UBXN2A: variants seen among roughly 807,000 people sequenced by gnomAD.
The protein encoded by UBXN2A is UBX domain protein 2A.
In UBXN2A, 28 loss-of-function variants were observed where a neutral mutation model predicts 28.4. The ratio of observed to expected loss-of-function variants is 0.99; its 90% CI spans 0.73 to 1.35. UBXN2A has a LOEUF of 1.35. Ranked by LOEUF, UBXN2A falls within the 40% of genes most tolerant of loss-of-function variation. The pLI is 0.00. For missense variants in UBXN2A, 253 were observed against 297.9 expected (o/e 0.85, Z 1.11); for synonymous variants, 97 against 103.6 (o/e 0.94, Z 0.39).
chr2:23,967,947 G>T (rs999738589), intron 2 of UBXN2A, among the ~76,000 whole-genome samples: 3 of 150,602 alleles, frequency 2.0e-5, no homozygotes, highest in African/African-American at 7.3e-5. Flanking sequence ...TTTTTTAAGA[G>T]ATGAGGTCTC....
intron 1 of UBXN2A, among the ~76,000 whole-genome samples, chr2:23,950,547 C>T (rs183127712): frequency 2.3e-3 from 353 of 151,548 alleles, no homozygotes; most frequent in Non-Finnish European, 4.1e-3. Context: ...GGATTACAGG[C>T]GCCCTCCACC....
rs1488537758 is a variant in UBXN2A, at chr2:23,940,508, C to A, written c.-155C>A. Reference sequence around the variant, plus strand: ...CCGAGAGAGGCTGGCGGGATCTCAGCGGCGCGGCCGCGGAACCTGAGGCGG... The same window carrying A: ...CCGAGAGAGGCTGGCGGGATCTCAGAGGCGCGGCCGCGGAACCTGAGGCGG... On this transcript the variant is annotated 5_prime_UTR_variant, in exon 1 of 7. Transcript: ENST00000309033. 7.9e-5 allele frequency: 12 copies of A among 151,276 alleles called. No homozygotes were observed. Among genetic ancestry groups the A allele is most frequent in the African/African-American group, 2.9e-4 (12 of 41,346 alleles). 9.4% of individuals were successfully genotyped at this position (151,276 alleles called of 1,614,324 possible). A position where few individuals can be genotyped will look rare whatever the true frequency, so the allele number is the denominator to read the frequency against.
At chr2:23,984,855 G>C in intron 6 of UBXN2A, 24 bp downstream of exon 6, 1 of 1,532,774 alleles carries the variant, frequency 6.5e-7, no homozygotes, top group Non-Finnish European at 8.7e-7. Flanking sequence ...TTCAGTATTT[G>C]ATATTTTTTC....
intron 3 of UBXN2A, among the ~76,000 whole-genome samples, chr2:23,972,597 G>A (rs1469237545): frequency 6.6e-6 from 1 of 152,142 alleles, no homozygotes; most frequent in East Asian, 1.9e-4. Flanking sequence ...GCTGAGGCGG[G>A]TGGATCACGA....
chr2:23,944,453 G>GT (rs1374358376), intron 1 of UBXN2A: 1 of 794,200 alleles, frequency 1.3e-6, no homozygotes, highest in East Asian at 2.9e-5. Flanking sequence ...CTCCTTATTT[G>GT]TTTAGATTCT....
intron 3 of UBXN2A, among the ~76,000 whole-genome samples, chr2:23,975,479 T>C (rs1364949642): frequency 6.6e-6 from 1 of 152,220 alleles, no homozygotes; most frequent in Non-Finnish European, 1.5e-5. Context: ...CCCAGCTGAT[T>C]TTTTGACGTG....
At chr2:23,987,982 C>A (rs1708198405) in intron 6 of UBXN2A, among the ~76,000 whole-genome samples, 2 of 150,232 alleles carry the variant, frequency 1.3e-5, no homozygotes, top group East Asian at 3.9e-4. Context: ...AATTAGCTGG[C>A]CGTCGTGGCG....
In UBXN2A at chr2:23,962,036, G is replaced by A. The variant is rs1304591451; in HGVS notation, c.41+3681G>A. Among the ~76,000 whole-genome samples the A allele has an allele frequency of 3.3e-5, 5 of 151,986 alleles. No homozygotes were observed. The East Asian group carries it at 9.6e-4, about 29-fold the overall frequency. On this transcript the variant is annotated intron_variant, in intron 2 of 6. Transcript: ENST00000309033. ...ATTTTTGTACTTTTAGTAGAGATGG[G>A]GTTTCACCATGTTGTCCAGGCTGGT...
chr2:23,932,969 G>A (rs915556208), intron 1 of UBXN2A, among the ~76,000 whole-genome samples: 1 of 152,118 alleles, frequency 6.6e-6, no homozygotes, highest in African/African-American at 2.4e-5. Context: ...GCTGGGCATG[G>A]TGGCACACGC....
upstream of UBXN2A, among the ~76,000 whole-genome samples, chr2:23,937,504 C>T (rs1226733958): frequency 3.9e-5 from 6 of 152,002 alleles, no homozygotes; most frequent in East Asian, 1.9e-4. Flanking sequence ...GGGCAATGTA[C>T]GGAGACCCCA....
chr2:24,000,070 C>A lies in UBXN2A; in HGVS notation c.*203C>A. On this transcript the variant is annotated 3_prime_UTR_variant, in exon 7 of 7. Transcript: ENST00000309033. ...GGAAACTATATTCAGTGCACTTTCT[C>A]CAAAAGACTACCCAGAAAAATAGAC... The A allele has an allele frequency of 3.9e-6, 2 of 516,104 alleles. No homozygotes were observed. Among genetic ancestry groups the A allele is most frequent in the Non-Finnish European group, 6.7e-6 (2 of 296,704 alleles). 32.0% of individuals were successfully genotyped at this position (516,104 alleles called of 1,614,324 possible). A position where few individuals can be genotyped will look rare whatever the true frequency, so the allele number is the denominator to read the frequency against.
intron 1 of UBXN2A, among the ~76,000 whole-genome samples, chr2:23,944,709 G>T (rs1283012841): frequency 1.3e-5 from 2 of 152,182 alleles, no homozygotes; most frequent in Non-Finnish European, 2.9e-5. Flanking sequence ...CAGCTCTGTG[G>T]CTTCTGCCCT....
At chr2:23,976,317 C>G (rs1314675212) in intron 3 of UBXN2A, among the ~76,000 whole-genome samples, 1 of 152,166 alleles carries the variant, frequency 6.6e-6, no homozygotes, top group Non-Finnish European at 1.5e-5. Flanking sequence ...CTCTACTGCT[C>G]TTGCTCTGGA....
intron 1 of UBXN2A, among the ~76,000 whole-genome samples, chr2:23,941,338 A>C (rs776872788): frequency 3.9e-5 from 6 of 152,136 alleles, no homozygotes; most frequent in African/African-American, 7.2e-5. Flanking sequence ...TTTAGGGGGG[A>C]AACTTTAAAA....
At chr2:23,999,455 C>T (rs931582101) in intron 6 of UBXN2A, among the ~76,000 whole-genome samples, 5 of 152,092 alleles carry the variant, frequency 3.3e-5, no homozygotes, top group African/African-American at 1.2e-4. Flanking sequence ...TGTTGTGGCT[C>T]ATGCCTGTGA....
upstream of UBXN2A, chr2:23,940,456 G>C (rs1284226191): frequency 6.6e-6 from 1 of 151,014 alleles, no homozygotes; most frequent in South Asian, 2.1e-4. Flanking sequence ...AGCCGGCGTC[G>C]GCGCGCGCTT....
intron 1 of UBXN2A, among the ~76,000 whole-genome samples, chr2:23,944,816 C>G (rs565901679): frequency 3.9e-5 from 6 of 152,080 alleles, no homozygotes; most frequent in African/African-American, 1.4e-4. Context: ...TTAACACCTA[C>G]GCAGTGTTAC....
intron 6 of UBXN2A, among the ~76,000 whole-genome samples, chr2:23,996,473 CTTTTTCTTTTTT>C (rs1387878751): frequency 6.8e-6 from 1 of 147,898 alleles, no homozygotes; most frequent in Non-Finnish European, 1.5e-5. Flanking sequence ...TTTTCTTTTT[CTTTTTCTTTTTT>C]TTTTTTTTAA....
At chr2:23,979,315 A>C (rs921392180) in intron 4 of UBXN2A, among the ~76,000 whole-genome samples, 1 of 152,132 alleles carries the variant, frequency 6.6e-6, no homozygotes, top group Non-Finnish European at 1.5e-5. Flanking sequence ...ACTGCACTCC[A>C]GCCTGGGCGA....
Sources: gnomAD v4.1 joint callset for allele counts (sites outside exome capture counted in the v4.1 genomes callset) on GRCh38, gnomAD v4.1.1 for gene constraint, MANE v1.5 for transcripts, NCBI Gene and HGNC (gene_info 2026-07-23, HGNC 2026-07-21) for gene names.